FBXL17: variants seen among roughly 807,000 people sequenced by gnomAD.
FBXL17 encodes the protein F-box/LRR-repeat protein 17.
FBXL17 carries 22 observed loss-of-function variants against 66.2 expected under a neutral mutation model. That is an observed-to-expected ratio of 0.33 (90% CI 0.24 to 0.47). The LOEUF (loss-of-function observed/expected upper bound fraction) is 0.47. Ranked by LOEUF, FBXL17 falls within the 20% of genes least tolerant of loss-of-function variation. FBXL17 has a pLI of 1.00. For missense variants in FBXL17, 878 were observed against 948.2 expected (o/e 0.93, Z 0.97); for synonymous variants, 474 against 400.5 (o/e 1.18, Z -2.19).
In FBXL17 at chr5:108,258,737, A is replaced by ATTTTTT. The variant is rs759401052; in HGVS notation, c.1507-34515_1507-34510dup. On this transcript the variant is annotated intron_variant, in intron 4 of 8. Coordinates refer to ENST00000542267, the MANE Select transcript of FBXL17 (RefSeq NM_001163315.3). The stretch of plus-strand genomic sequence containing the variant: ...GAAGTCAGGATAAATGGCCTTTAAC[A>ATTTTTT]TTTTTTTTTTTTTTTTTTTTGCTAA... Among the ~76,000 whole-genome samples the ATTTTTT allele has an allele frequency of 6.5e-4, 80 of 122,858 alleles. 1 individual carries two copies. The highest frequency in any genetic ancestry group is 2.4e-3 in the African/African-American group (79 of 32,980). 80.6% of individuals were successfully genotyped at this position (122,858 alleles called of 152,430 possible).
rs575525181 is a variant in FBXL17, at chr5:108,186,358, CAGAT to C, written c.1615-115_1615-112del. ...GAGTATCACTGTAAAATATTTAAAA[CAGAT>C]AGGCTAGAATCTTTTAATTAAAGAT... On this transcript the variant is annotated intron_variant, in intron 5 of 8. Transcript: ENST00000542267. 1,451 of 809,742 alleles carry C rather than the reference CAGAT, an allele frequency of 1.8e-3. 5 individuals carry two copies. Among genetic ancestry groups the C allele is most frequent in the African/African-American group, 4.7e-3 (274 of 57,736 alleles). 50.2% of individuals were successfully genotyped at this position (809,742 alleles called of 1,614,324 possible). A position where few individuals can be genotyped will look rare whatever the true frequency, so the allele number is the denominator to read the frequency against.
At chr5:107,932,368 T>C (rs896304373) in intron 7 of FBXL17, among the ~76,000 whole-genome samples, 1 of 152,180 alleles carries the variant, frequency 6.6e-6, no homozygotes, top group African/African-American at 2.4e-5. Context: ...AATACGTTGG[T>C]GTTTAAAATT....
intron 4 of FBXL17, among the ~76,000 whole-genome samples, chr5:108,262,512 A>G (rs1211644610): frequency 5.3e-5 from 8 of 152,204 alleles, no homozygotes; most frequent in Non-Finnish European, 1.0e-4. Flanking sequence ...CATCCCTCTC[A>G]AAAAGCCAAT....
intron 4 of FBXL17, among the ~76,000 whole-genome samples, chr5:108,281,258 T>TG (rs1206769594): frequency 2.6e-5 from 4 of 151,930 alleles, no homozygotes; most frequent in African/African-American, 7.2e-5. Flanking sequence ...ATAGACCATA[T>TG]GTTAAGCCAC....
chr5:108,108,951 T>C (rs158180), intron 6 of FBXL17, among the ~76,000 whole-genome samples: 99,381 of 151,622 alleles, frequency 0.66, 33,532 homozygotes, highest in East Asian at 0.92. Flanking sequence ...GCCCAGCTAA[T>C]TTCATATTTT....
At chr5:108,175,621 A>G (rs1179303922) in intron 6 of FBXL17, among the ~76,000 whole-genome samples, 1 of 152,210 alleles carries the variant, frequency 6.6e-6, no homozygotes, top group Non-Finnish European at 1.5e-5. Flanking sequence ...TAAAGGTTCA[A>G]GCTGAAAGTA....
chr5:107,937,788 G>A (rs1750962878), intron 7 of FBXL17, among the ~76,000 whole-genome samples: 1 of 152,070 alleles, frequency 6.6e-6, no homozygotes, highest in Admixed American at 6.6e-5. Flanking sequence ...ACCTCTCACT[G>A]GCAATATTGA....
chr5:107,871,093 T>C (rs1187002504), intron 8 of FBXL17, among the ~76,000 whole-genome samples: 1 of 78,832 alleles, frequency 1.3e-5, no homozygotes, highest in South Asian at 3.6e-4. Context: ...CATCTAAAAA[T>C]CTCAAAGTAT....
At chr5:108,191,027 G>A (rs532235970) in intron 5 of FBXL17, among the ~76,000 whole-genome samples, 1 of 152,148 alleles carries the variant, frequency 6.6e-6, no homozygotes, top group Non-Finnish European at 1.5e-5. Flanking sequence ...TGGACCCATA[G>A]GGCTGCCTGT....
intron 7 of FBXL17, among the ~76,000 whole-genome samples, chr5:107,944,167 A>G (rs1179527016): frequency 6.6e-6 from 1 of 152,112 alleles, no homozygotes; most frequent in Non-Finnish European, 1.5e-5. Context: ...ATTTCCATAT[A>G]CTTTGTACAT....
intron 6 of FBXL17, among the ~76,000 whole-genome samples, chr5:108,087,450 C>A (rs1749015850): frequency 6.6e-6 from 1 of 152,058 alleles, no homozygotes; most frequent in South Asian, 2.1e-4. Flanking sequence ...AAGCAGGACA[C>A]TCCAACAGGG....
Position 108,325,001 on chromosome 5 carries a change from G to A in FBXL17, c.1506+23398C>T, listed in dbSNP as rs541488883. Among the ~76,000 whole-genome samples, 4 of 152,150 alleles carry A rather than the reference G, an allele frequency of 2.6e-5. No homozygotes were observed. The East Asian group carries it at 7.7e-4, about 29-fold the overall frequency. On this transcript the variant is annotated intron_variant, in intron 4 of 8. Transcript: ENST00000542267. ...AAAATAGGTACCTAGAGGAGTCAAA[G>A]TCACAAAGACACAAAGTAGAATGGT... is the stretch of plus-strand genomic sequence containing the variant.
At chr5:107,988,150 C>T (rs546314394) in intron 7 of FBXL17, among the ~76,000 whole-genome samples, 4 of 151,994 alleles carry the variant, frequency 2.6e-5, no homozygotes, top group South Asian at 4.1e-4. Flanking sequence ...AATCAAGTGA[C>T]GAGATATTCA....
chr5:108,276,288 A>C (rs1216360770), intron 4 of FBXL17, among the ~76,000 whole-genome samples: 2 of 143,434 alleles, frequency 1.4e-5, no homozygotes, highest in East Asian at 2.1e-4. Context: ...AGAAACTATC[A>C]AATGACCTTG....
intron 6 of FBXL17, among the ~76,000 whole-genome samples, chr5:108,102,957 T>C (rs1359116335): frequency 6.6e-6 from 1 of 152,150 alleles, no homozygotes; most frequent in Non-Finnish European, 1.5e-5. Flanking sequence ...CTAAAAGATA[T>C]AACATCAACT....
chr5:108,072,382 A>G (rs1748367193), intron 6 of FBXL17, among the ~76,000 whole-genome samples: 2 of 152,228 alleles, frequency 1.3e-5, no homozygotes, highest in Non-Finnish European at 2.9e-5. Flanking sequence ...GTCAGTTAAC[A>G]GTTACAGGGC....
At chr5:108,035,619 G>A (rs1340351946) in intron 6 of FBXL17, among the ~76,000 whole-genome samples, 1 of 152,010 alleles carries the variant, frequency 6.6e-6, no homozygotes, top group East Asian at 1.9e-4. Flanking sequence ...CACCCGCCTC[G>A]GCCTCCCAAA....
intron 4 of FBXL17, among the ~76,000 whole-genome samples, chr5:108,276,358 G>T (rs1011439106): frequency 6.6e-6 from 1 of 152,162 alleles, no homozygotes; most frequent in Non-Finnish European, 1.5e-5. Flanking sequence ...TTGCTGTGAT[G>T]ATTGATTGCA....
intron 7 of FBXL17, among the ~76,000 whole-genome samples, chr5:107,939,900 C>G (rs1026863046): frequency 9.9e-5 from 15 of 152,216 alleles, no homozygotes; most frequent in Admixed American, 6.5e-4. Flanking sequence ...CTATATTTCA[C>G]CTGTTTCATG....
Sources: allele counts gnomAD v4.1 joint callset (sites outside exome capture counted in the v4.1 genomes callset), GRCh38; gene constraint gnomAD v4.1.1; transcripts MANE v1.5; gene names NCBI Gene and HGNC (gene_info 2026-07-23, HGNC 2026-07-21).